CNGB1: variants seen among roughly 807,000 people sequenced by gnomAD.
CNGB1 encodes cyclic nucleotide gated channel subunit beta 1, also known as cyclic nucleotide-gated channel beta-1.
CNGB1 carries 126 observed loss-of-function variants against 151.7 expected under a neutral mutation model. That is an observed-to-expected ratio of 0.83 (90% CI 0.72 to 0.96). CNGB1 has a LOEUF of 0.96. Among genes scored for constraint, CNGB1 ranks in the 40% least tolerant of loss-of-function variants. The pLI, the probability that CNGB1 is intolerant of heterozygous loss-of-function variation, is 0.00. For missense variants in CNGB1, 1,698 were observed against 1,627.0 expected (o/e 1.04, Z -0.75); for synonymous variants, 623 against 635.1 (o/e 0.98, Z 0.29).
intron 25 of CNGB1, among the ~76,000 whole-genome samples, chr16:57,905,651 C>T (rs1205573825): frequency 2.0e-5 from 3 of 152,244 alleles, no homozygotes; most frequent in Admixed American, 6.5e-5. Context: ...CTTCGGGCGC[C>T]GTTTAGGCTG....
chr16:57,957,301 TC>T (rs1216551102), intron 12 of CNGB1, 39 bp downstream of exon 12: 3 of 1,600,020 alleles, frequency 1.9e-6, no homozygotes, highest in Non-Finnish European at 2.6e-6. Context: ...AAGCAACCCT[TC>T]CTAATATGTA....
chr16:57,906,608 G>A (rs992576998), intron 25 of CNGB1, among the ~76,000 whole-genome samples: 8 of 152,180 alleles, frequency 5.3e-5, no homozygotes, highest in Admixed American at 1.3e-4. Context: ...TCAAGCCCCC[G>A]TCATACTGGT....
At position 57,901,749 on chromosome 16, in the gene CNGB1, C is replaced by T. The variant is rs1426486367; in HGVS notation, c.2795-124G>A. 9 of 776,336 alleles carry T rather than the reference C, an allele frequency of 1.2e-5. No individual in the cohort carries two copies. In the Admixed American group the frequency reaches 1.4e-4, roughly 12 times the overall value. 48.1% of individuals were successfully genotyped at this position (776,336 alleles called of 1,614,324 possible). ...CATTGCCCTGCCGCATGGAACCACT[C>T]TGGATTTGTAGTGCACCCTCTCTCA... On this transcript the variant is annotated intron_variant, in intron 27 of 32. Coordinates refer to ENST00000251102, the MANE Select transcript of CNGB1 (RefSeq NM_001297.5).
At position 57,920,503 on chromosome 16, in the gene CNGB1, G is replaced by A. The variant is rs1213983177; in HGVS notation, c.1685C>T (p.Ala562Val). The A allele has an allele frequency of 5.6e-6, 9 of 1,613,954 alleles. No individual in the cohort carries two copies. The highest frequency in any genetic ancestry group is 3.3e-5 in the Admixed American group (2 of 60,008). The change falls in exon 19 of 33, where the codon GCC (alanine) becomes GTC (valine). Residue 562 changes from alanine to valine, a missense_variant. Physicochemically the swap from Ala to Val is moderately conservative, Grantham distance 64 (BLOSUM62 0). Coordinates refer to ENST00000251102, the MANE Select transcript of CNGB1 (RefSeq NM_001297.5). Reference sequence around the variant, plus strand: ...CTCCTGGAGCCGGTCGTTGATGATGGCGCTATTTGTGCTGGCCGTGGAGGC... The same window carrying A: ...CTCCTGGAGCCGGTCGTTGATGATGACGCTATTTGTGCTGGCCGTGGAGGC... ...RAASTASTNS[A>V]IINDRLQELV...
Position 57,950,396 on chromosome 16 carries a change from A to G in CNGB1, c.1019T>C (p.Val340Ala). 6.2e-7 allele frequency: 1 copy of G among 1,614,226 alleles called. No homozygotes were observed. The highest frequency in any genetic ancestry group is 8.5e-7 in the Non-Finnish European group (1 of 1,180,036). The change falls in exon 13 of 33, where the codon GTG (valine) becomes GCG (alanine). Residue 340 changes from valine to alanine, a missense_variant. Physicochemically the swap from Val to Ala is moderately conservative, Grantham distance 64 (BLOSUM62 0). Transcript: ENST00000251102. The stretch of plus-strand genomic sequence containing the variant: ...GACTCCCCACCTGGGCATCTTCTCC[A>G]CAGCTTTGTTCTCTTCTTCATAAGC... Reference protein sequence around the residue: ...VPAYEEENKAVEKMPRELSRI... With the variant: ...VPAYEEENKAAEKMPRELSRI...
chr16:57,913,563 C>T (rs555034945), intron 23 of CNGB1, among the ~76,000 whole-genome samples: 7 of 152,256 alleles, frequency 4.6e-5, no homozygotes, highest in African/African-American at 1.7e-4. Flanking sequence ...TAACCACAGC[C>T]TCGAACTTCT....
intron 29 of CNGB1, among the ~76,000 whole-genome samples, chr16:57,898,287 CA>C (rs1314033089): frequency 6.6e-6 from 1 of 152,182 alleles, no homozygotes; most frequent in Non-Finnish European, 1.5e-5. Context: ...CTCCCACCAT[CA>C]AATGATGTCT....
At chr16:57,946,838 C>T (rs1961822632) in intron 14 of CNGB1, among the ~76,000 whole-genome samples, 1 of 152,218 alleles carries the variant, frequency 6.6e-6, no homozygotes, top group Non-Finnish European at 1.5e-5. Flanking sequence ...CTTGTCCCTC[C>T]CTGGGCCTGG....
chr16:57,901,573 G>T lies in CNGB1; in HGVS notation c.2847C>A (p.Ala949=). 6.2e-7 allele frequency: 1 copy of T among 1,614,140 alleles called. No individual in the cohort carries two copies. Among genetic ancestry groups the T allele is most frequent in the Admixed American group, 1.7e-5 (1 of 60,022 alleles). ...QLPDKMRLDL[A]IDVNYNIVSK... ...TAACGATGTTGTAGTTCACGTCGAT[G>T]GCGAGGTCCAGCCGCATCTTGTCTG... The change falls in exon 28 of 33, where the codon GCC becomes GCA. Residue 949 remains alanine (A), a synonymous_variant. Transcript: ENST00000251102.
chr16:57,893,995 T>A (rs1451751159), intron 31 of CNGB1, among the ~76,000 whole-genome samples: 1 of 152,164 alleles, frequency 6.6e-6, no homozygotes, highest in Non-Finnish European at 1.5e-5. Context: ...ACGTTGCCTG[T>A]CGCTCAATTT....
intron 32 of CNGB1, among the ~76,000 whole-genome samples, chr16:57,884,889 C>T (rs1440368116): frequency 6.6e-6 from 1 of 152,142 alleles, no homozygotes; most frequent in African/African-American, 2.4e-5. Context: ...AAACTCCAAG[C>T]AAACAGGGTA....
At chr16:57,929,600 G>A (rs1448423526) in intron 17 of CNGB1, among the ~76,000 whole-genome samples, 1 of 152,152 alleles carries the variant, frequency 6.6e-6, no homozygotes, top group Non-Finnish European at 1.5e-5. Flanking sequence ...CATGGCAGAA[G>A]GCAGATGGAA....
chr16:57,893,051 A>G (rs1257540642), intron 31 of CNGB1, among the ~76,000 whole-genome samples: 1 of 152,136 alleles, frequency 6.6e-6, no homozygotes, highest in Non-Finnish European at 1.5e-5. Context: ...TCGATACATC[A>G]CTGTGCTGTA....
chr16:57,894,360 G>A (rs1193907933), intron 31 of CNGB1, among the ~76,000 whole-genome samples: 1 of 152,234 alleles, frequency 6.6e-6, no homozygotes, highest in Non-Finnish European at 1.5e-5. Context: ...CAGAATTTTG[G>A]GAGGCAGAAG....
intron 20 of CNGB1, among the ~76,000 whole-genome samples, chr16:57,918,040 T>C (rs1960925491): frequency 9.3e-6 from 1 of 107,026 alleles, no homozygotes; most frequent in Non-Finnish European, 2.2e-5. Context: ...GGTGAATGCA[T>C]GGATGGATGG....
At chr16:57,912,752 G>A (rs1355160085) in intron 24 of CNGB1, among the ~76,000 whole-genome samples, 178 bp downstream of exon 24, 1 of 151,286 alleles carries the variant, frequency 6.6e-6, no homozygotes, top group Non-Finnish European at 1.5e-5. Flanking sequence ...TGCATTGTGT[G>A]TTGGGTGTGT....
At chr16:57,894,722 A>C (rs1960177992) in intron 31 of CNGB1, among the ~76,000 whole-genome samples, 1 of 152,204 alleles carries the variant, frequency 6.6e-6, no homozygotes, top group Admixed American at 6.6e-5. Context: ...TCAGGGGGCA[A>C]TGGGGACAGG....
chr16:57,886,668 C>T (rs1301992160), intron 32 of CNGB1, among the ~76,000 whole-genome samples: 3 of 152,146 alleles, frequency 2.0e-5, no homozygotes, highest in Non-Finnish European at 4.4e-5. Context: ...TAAGCCCAGT[C>T]TGCCTAACCC....
chr16:57,908,329 C>T (rs533297568), intron 25 of CNGB1, among the ~76,000 whole-genome samples: 178 of 152,362 alleles, frequency 1.2e-3, no homozygotes, highest in African/African-American at 4.1e-3. Flanking sequence ...TCTACAAAGC[C>T]GCCACCTTGG....
Sources: allele counts gnomAD v4.1 joint callset (sites outside exome capture counted in the v4.1 genomes callset), GRCh38; gene constraint gnomAD v4.1.1; transcripts MANE v1.5; gene names NCBI Gene and HGNC (gene_info 2026-07-23, HGNC 2026-07-21).